SRBD1: variants seen among roughly 807,000 people sequenced by gnomAD.
The protein encoded by SRBD1 is S1 RNA-binding domain-containing protein 1.
SRBD1 carries 88 observed loss-of-function variants against 115.3 expected under a neutral mutation model. That is an observed-to-expected ratio of 0.76 (90% confidence interval 0.64 to 0.91). The LOEUF is 0.91. Among genes scored for constraint, SRBD1 ranks in the 40% least tolerant of loss-of-function variants. The pLI is 0.00. For missense variants in SRBD1, 1,385 were observed against 1,177.4 expected, an observed-to-expected ratio of 1.18 and a Z score of -2.58; for synonymous variants, 509 against 407.7, an observed-to-expected ratio of 1.25 and a Z score of -2.99.
intron 4 of SRBD1, among the ~76,000 whole-genome samples, chr2:45,596,952 C>CACA (rs767418953): frequency 0.012 from 1,119 of 90,554 alleles, 8 homozygotes; most frequent in Non-Finnish European, 0.021. Flanking sequence ...ACACACACAC[C>CACA]CACAACCCTA....
chr2:45,580,463 A>G lies in SRBD1; in HGVS notation c.934-450T>C, dbSNP rs1264067081. On this transcript the variant is annotated intron_variant, in intron 6 of 20. Transcript: ENST00000263736. The stretch of plus-strand genomic sequence containing the variant: ...CAGGTTTAAGTGATTCTCTTGCCTC[A>G]GTCTCCCAGGTAGCTGGGACTACAG... Among the ~76,000 whole-genome samples, 6 of 148,362 alleles carry G rather than the reference A, an allele frequency of 4.0e-5. No homozygotes were observed. The Admixed American group carries it at 4.0e-4, about 10-fold the overall frequency.
chr2:45,465,046 C>CAT (rs34202925), intron 16 of SRBD1, among the ~76,000 whole-genome samples: 40,857 of 141,340 alleles, frequency 0.29, 7,503 homozygotes, highest in Non-Finnish European at 0.36. Context: ...CACACACACA[C>CAT]ACAGAGTCAT....
At chr2:45,467,295 ACT>A (rs1358493912) in intron 16 of SRBD1, among the ~76,000 whole-genome samples, 1 of 152,176 alleles carries the variant, frequency 6.6e-6, no homozygotes, top group Non-Finnish European at 1.5e-5. Flanking sequence ...TAAACTACAA[ACT>A]CTGGAGATGT....
At chr2:45,605,028 A>G (rs929156010) in intron 2 of SRBD1, among the ~76,000 whole-genome samples, 5 of 152,198 alleles carry the variant, frequency 3.3e-5, no homozygotes, top group African/African-American at 1.2e-4. Flanking sequence ...CACAACAAAG[A>G]ATTGTCTTGC....
Position 45,535,289 on chromosome 2 carries a change from T to G in SRBD1, c.1874+11443A>C, listed in dbSNP as rs556105167. The stretch of plus-strand genomic sequence containing the variant: ...GAGACTATCAATAGCTGTGCTGAGG[T>G]CCAGATGTTTCTACCAGTCTAATTT... On this transcript the variant is annotated intron_variant, in intron 14 of 20. Transcript: ENST00000263736. Among the ~76,000 whole-genome samples the G allele has an allele frequency of 2.6e-5, 4 of 151,744 alleles. No homozygotes were observed. In the South Asian group the frequency reaches 6.2e-4, roughly 24 times the overall value.
At chr2:45,550,060 AAAG>A (rs548002141) in intron 12 of SRBD1, among the ~76,000 whole-genome samples, 151 of 152,272 alleles carry the variant, frequency 9.9e-4, no homozygotes, top group African/African-American at 3.4e-3. Flanking sequence ...CATTAGAAAT[AAAG>A]AAGTTCATAG....
At chr2:45,595,890 C>A (rs1422175437) in intron 4 of SRBD1, among the ~76,000 whole-genome samples, 1 of 152,154 alleles carries the variant, frequency 6.6e-6, no homozygotes, top group East Asian at 1.9e-4. Context: ...CATCAGATTG[C>A]TCAGCAAAGG....
rs1046308855 is a variant in SRBD1, at chr2:45,431,409, T to C, written c.2050-11515A>G. Among the ~76,000 whole-genome samples the C allele has an allele frequency of 5.9e-5, 9 of 152,220 alleles. No individual in the cohort carries two copies. In the South Asian group the frequency reaches 8.3e-4, roughly 14 times the overall value. ...ACCCAAATGCCCATCAATGATAGAC[T>C]GGATAAAGAAAATGTGGCACCATGG... On this transcript the variant is annotated intron_variant, in intron 16 of 20. Coordinates refer to ENST00000263736, the MANE Select transcript of SRBD1 (RefSeq NM_018079.5).
intron 14 of SRBD1, among the ~76,000 whole-genome samples, chr2:45,535,046 T>C (rs1359218050): frequency 6.6e-6 from 1 of 152,030 alleles, no homozygotes; most frequent in East Asian, 1.9e-4. Context: ...AACTCAAGTC[T>C]TTCAAAAACT....
intron 14 of SRBD1, among the ~76,000 whole-genome samples, chr2:45,491,658 T>A (rs1362184053): frequency 6.6e-6 from 1 of 152,198 alleles, no homozygotes; most frequent in Non-Finnish European, 1.5e-5. Flanking sequence ...ATTAAATTGA[T>A]AATTTAAGAT....
At chr2:45,455,296 A>G (rs370812150) in intron 16 of SRBD1, among the ~76,000 whole-genome samples, 13 of 152,054 alleles carry the variant, frequency 8.5e-5, no homozygotes, top group African/African-American at 2.9e-4. Flanking sequence ...AGGCAGAAGC[A>G]TTTTTTAAAA....
At chr2:45,536,572 G>C (rs1364777747) in intron 14 of SRBD1, among the ~76,000 whole-genome samples, 1 of 152,070 alleles carries the variant, frequency 6.6e-6, no homozygotes, top group Non-Finnish European at 1.5e-5. Context: ...AATAACTAAA[G>C]TATTTGTAAA....
In SRBD1 at chr2:45,418,469, G is replaced by C. The variant is rs771921398; in HGVS notation, c.2229C>G (p.Ile743Met). 3.7e-6 allele frequency: 6 copies of C among 1,613,750 alleles called. No homozygotes were observed. The highest frequency in any genetic ancestry group is 5.1e-6 in the Non-Finnish European group (6 of 1,179,954). ...IEWREKNGPF[I>M]NREQLKKVKG... ...TCACTTTCTTCAGCTGTTCTCGGTT[G>C]ATAAAGGGTCCATTTTTCTCTCGCC... is the stretch of plus-strand genomic sequence containing the variant. The change falls in exon 18 of 21, where the codon ATC becomes ATG. Residue 743 changes from isoleucine to methionine, a missense_variant. Physicochemically the swap from Ile to Met is conservative, Grantham distance 10. Transcript: ENST00000263736.
At chr2:45,575,082 T>G (rs1487855735) in intron 7 of SRBD1, among the ~76,000 whole-genome samples, 1 of 152,150 alleles carries the variant, frequency 6.6e-6, no homozygotes, top group Non-Finnish European at 1.5e-5. Context: ...AGTACCTCCT[T>G]TATGAAGTGA....
At chr2:45,402,620 C>T (rs1242207432) in intron 19 of SRBD1, among the ~76,000 whole-genome samples, 1 of 152,146 alleles carries the variant, frequency 6.6e-6, no homozygotes, top group Admixed American at 6.5e-5. Context: ...ATTGAAATAA[C>T]AAATACTAGC....
At chr2:45,448,454 G>C (rs1193972819) in intron 16 of SRBD1, among the ~76,000 whole-genome samples, 1 of 152,078 alleles carries the variant, frequency 6.6e-6, no homozygotes, top group Non-Finnish European at 1.5e-5. Flanking sequence ...CTACTATTAT[G>C]ACAAAGGTAT....
chr2:45,394,690 C>T (rs1432868868), intron 19 of SRBD1, among the ~76,000 whole-genome samples: 2 of 152,168 alleles, frequency 1.3e-5, no homozygotes, highest in Non-Finnish European at 2.9e-5. Flanking sequence ...AGAAAGTTCT[C>T]CCATCTCTCA....
At chr2:45,530,335 G>A (rs1234719185) in intron 14 of SRBD1, among the ~76,000 whole-genome samples, 1 of 151,908 alleles carries the variant, frequency 6.6e-6, no homozygotes, top group Non-Finnish European at 1.5e-5. Flanking sequence ...ATATTTGAAT[G>A]ACAACACAAC....
At chr2:45,487,922 G>A (rs1387373201) in intron 15 of SRBD1, among the ~76,000 whole-genome samples, 2 of 152,102 alleles carry the variant, frequency 1.3e-5, no homozygotes, top group African/African-American at 4.8e-5. Context: ...AAAGTGCTGG[G>A]ATTACAGGTT....
Sources: allele counts gnomAD v4.1 joint callset (sites outside exome capture counted in the v4.1 genomes callset), GRCh38; gene constraint gnomAD v4.1.1; transcripts MANE v1.5; gene names NCBI Gene and HGNC (gene_info 2026-07-23, HGNC 2026-07-21).